The following POLR1B variants were observed in gnomAD, a reference collection of about 807,000 sequenced individuals.
The protein encoded by POLR1B is DNA-directed RNA polymerase I subunit RPA2.
POLR1B carries 30 observed loss-of-function variants against 105.8 expected under a neutral mutation model. The observed-to-expected ratio is 0.28, with a 90% CI of 0.21 to 0.38. The LOEUF is 0.38. Among genes scored for constraint, POLR1B ranks in the 10% least tolerant of loss-of-function variants. The pLI, the probability that POLR1B is intolerant of heterozygous loss-of-function variation, is 1.00. For synonymous variants in POLR1B, 485 were observed against 505.1 expected (o/e 0.96, Z 0.53); for missense variants, 976 against 1,435.8 (o/e 0.68, Z 5.17).
At chr2:112,561,369 TGTG>T (rs1211459499) in intron 9 of POLR1B, among the ~76,000 whole-genome samples, 3 of 152,190 alleles carry the variant, frequency 2.0e-5, no homozygotes, top group Admixed American at 6.5e-5. Flanking sequence ...ATGTTCATAT[TGTG>T]GTGACAGATG....
At chr2:112,546,911 C>T in intron 1 of POLR1B, 101 bp from the exon 2 acceptor site, 1 of 1,292,854 alleles carries the variant, frequency 7.7e-7, no homozygotes. Context: ...ATGGTGGCAT[C>T]ACAGGCATCA....
chr2:112,551,970 A>C lies in POLR1B; in HGVS notation c.958A>C (p.Asn320His), dbSNP rs778121814. The C allele has an allele frequency of 1.9e-6, 3 of 1,614,158 alleles. No individual in the cohort carries two copies. The highest frequency in any genetic ancestry group is 1.7e-6 in the Non-Finnish European group (2 of 1,180,004). ...ACTCAATGTTCCTGACTGGTACCCA[A>C]ATGAGCAAGCTGCGGAGTTCCTGTT... ...VKLNVPDWYPNEQAAEFLFNQ... is the reference protein window; with the variant it reads ...VKLNVPDWYPHEQAAEFLFNQ... Residue 320 changes from asparagine (N) to histidine (H), a missense_variant, in exon 6 of 15, where the codon AAT becomes CAT. By Grantham distance (68) the Asn-to-His change is moderately conservative. Coordinates refer to ENST00000263331, the MANE Select transcript of POLR1B (RefSeq NM_019014.6).
chr2:112,567,639 A>G (rs1240101667), intron 10 of POLR1B, among the ~76,000 whole-genome samples: 2 of 152,100 alleles, frequency 1.3e-5, no homozygotes, highest in African/African-American at 4.8e-5. Flanking sequence ...TTGGCCTCCT[A>G]AAGTGCTGGG....
At chr2:112,550,818 A>G in intron 4 of POLR1B, 48 bp from the exon 5 acceptor site, 1 of 1,593,644 alleles carries the variant, frequency 6.3e-7, no homozygotes, top group South Asian at 1.1e-5. Flanking sequence ...GGTTGAAGCA[A>G]TTAAGATATC....
chr2:112,568,148 A>G lies in POLR1B; in HGVS notation c.1917+11A>G, dbSNP rs1199675822. ...GGAACTATGGAACAGGTAAATACAT[A>G]TGTGTGATGGATGAGTGTATGTGCT... On this transcript the variant is annotated intron_variant, in intron 11 of 14. Coordinates refer to ENST00000263331, the MANE Select transcript of POLR1B (RefSeq NM_019014.6). 2.5e-6 allele frequency: 4 copies of G among 1,607,708 alleles called. No homozygotes were observed. The highest frequency in any genetic ancestry group is 3.4e-6 in the Non-Finnish European group (4 of 1,174,814).
chr2:112,549,433 G>A, intron 4 of POLR1B, 34 bp downstream of exon 4: 1 of 1,477,710 alleles, frequency 6.8e-7, no homozygotes, highest in South Asian at 1.4e-5. Flanking sequence ...TATTTTTTAA[G>A]GAAAATTTAA....
Position 112,552,008 on chromosome 2 carries a change from C to G in POLR1B, c.986+10C>G. ...CGGAGTTCCTGTTTAAGTATGTGTG[C>G]TTTGTCTAAACTGTTTTTGGAGGGG... On this transcript the variant is annotated intron_variant, in intron 6 of 14. Coordinates refer to ENST00000263331, the MANE Select transcript of POLR1B (RefSeq NM_019014.6). The G allele has an allele frequency of 6.2e-7, 1 of 1,609,598 alleles. No individual in the cohort carries two copies. The highest frequency in any genetic ancestry group is 8.5e-7 in the Non-Finnish European group (1 of 1,176,132).
intron 4 of POLR1B, 44 bp downstream of exon 4, chr2:112,549,443 A>G (rs758064765): frequency 5.4e-6 from 8 of 1,484,206 alleles, no homozygotes; most frequent in Non-Finnish European, 7.2e-6. Flanking sequence ...GGAAAATTTA[A>G]AACTTTTTTT....
In POLR1B at chr2:112,547,452, C is replaced by T. The variant is rs1683116096; in HGVS notation, c.377C>T (p.Ser126Leu). Residue 126 changes from serine to leucine, a missense_variant, in exon 3 of 15, where the codon TCA becomes TTA. By Grantham distance (145) the Ser-to-Leu change is moderately radical. Around this residue, in one of 12 missense-constraint regions of POLR1B, gnomAD observed 452 missense variants for 616.5 expected, o/e 0.73. Transcript: ENST00000263331. The part of the protein sequence containing the change: ...ADINWAVNGI[S>L]KGIIKQFLGY... ...ATCAACTGGGCAGTGAATGGAATCTCAAAAGGAATCATTAAGCAGTTTCTT... is the reference window on the plus strand; with the variant it reads ...ATCAACTGGGCAGTGAATGGAATCTTAAAAGGAATCATTAAGCAGTTTCTT... The T allele has an allele frequency of 1.2e-6, 2 of 1,614,026 alleles. No individual in the cohort carries two copies. Among genetic ancestry groups the T allele is most frequent in the Admixed American group, 1.7e-5 (1 of 59,998 alleles).
intron 1 of POLR1B, among the ~76,000 whole-genome samples, chr2:112,543,066 G>T (rs1682846460): frequency 6.6e-6 from 1 of 152,162 alleles, no homozygotes; most frequent in Non-Finnish European, 1.5e-5. Context: ...AATGTTCAAG[G>T]TTATCCTTCA....
chr2:112,559,041 A>C (rs1558659209), intron 8 of POLR1B, among the ~76,000 whole-genome samples: 1 of 151,580 alleles, frequency 6.6e-6, no homozygotes, highest in Non-Finnish European at 1.5e-5. Flanking sequence ...TAACTCATTT[A>C]ATGTTCACCC....
In POLR1B at chr2:112,568,043, C is replaced by T. The variant is rs1020230940; in HGVS notation, c.1823C>T (p.Pro608Leu). The T allele has an allele frequency of 6.2e-7, 1 of 1,614,036 alleles. No individual in the cohort carries two copies. The highest frequency in any genetic ancestry group is 8.5e-7 in the Non-Finnish European group (1 of 1,179,890). Residue 608 changes from proline (P) to leucine (L), a missense_variant, in exon 11 of 15, where the codon CCA (proline) becomes CTA (leucine). Transcript: ENST00000263331. ...ATGACAGGAAAACCAAGTCTGTACC[C>T]AGGATTGTTCCTTTTTACCACTCCT... ...IPMTGKPSLY[P>L]GLFLFTTPCR...
At chr2:112,551,668 G>C (rs1182266732) in intron 5 of POLR1B, 107 bp from the exon 6 acceptor site, 1 of 884,116 alleles carries the variant, frequency 1.1e-6, no homozygotes, top group Admixed American at 2.7e-5. Flanking sequence ...ATAGCAGAGT[G>C]CTAATTTTCC....
rs943545617 is a variant in POLR1B at position 112,577,405 on chromosome 2, C to T, written c.*1676C>T. On this transcript the variant is annotated 3_prime_UTR_variant, in exon 15 of 15. Coordinates refer to ENST00000263331, the MANE Select transcript of POLR1B (RefSeq NM_019014.6). ...AGCAACAACGACAAAAAAAATTAGC[C>T]AAGCATAGTGGCACACCCCTGTAGT... is the stretch of plus-strand genomic sequence containing the variant. Among the ~76,000 whole-genome samples the T allele has an allele frequency of 2.6e-5, 4 of 152,186 alleles. No homozygotes were observed. The highest frequency in any genetic ancestry group is 5.9e-5 in the Non-Finnish European group (4 of 68,024).
At chr2:112,550,564 T>G in intron 4 of POLR1B, 1 of 315,412 alleles carries the variant, frequency 3.2e-6, no homozygotes, top group Non-Finnish European at 5.9e-6. Context: ...TTGACCAGAC[T>G]CCACAGTTTA....
chr2:112,557,214 A>G (rs1438169632), intron 7 of POLR1B, among the ~76,000 whole-genome samples: 4 of 152,234 alleles, frequency 2.6e-5, no homozygotes, highest in Non-Finnish European at 5.9e-5. Flanking sequence ...TGAACCCAGG[A>G]GGTTGAGGCT....
rs555575374 is a variant in POLR1B at position 112,563,203 on chromosome 2, C to T, written c.1613-1163C>T. Among the ~76,000 whole-genome samples, 21 of 151,780 alleles carry T rather than the reference C, an allele frequency of 1.4e-4. No homozygotes were observed. The East Asian group carries it at 1.6e-3, about 11-fold the overall frequency. ...CCGAGTAGCTGGGACTACAGGCGCC[C>T]GCCACCACGCCCGGCTAATTTTTTT... is the stretch of plus-strand genomic sequence containing the variant. On this transcript the variant is annotated intron_variant, in intron 9 of 14. Transcript: ENST00000263331.
rs1208728649 is a variant in POLR1B, at chr2:112,564,396, G to A, written c.1643G>A (p.Arg548Gln). The change falls in exon 10 of 15, where the codon CGA becomes CAA. Residue 548 changes from arginine to glutamine, a missense_variant. Physicochemically the swap from Arg to Gln is conservative, Grantham distance 43 (BLOSUM62 1). Coordinates refer to ENST00000263331, the MANE Select transcript of POLR1B (RefSeq NM_019014.6). ...ACTCCCATTGATGGAGCTCCCCACC[G>A]ATCATACAGTGAGTGCTACCCTGTC... The part of the protein sequence containing the change: ...GVTPIDGAPH[R>Q]SYSECYPVLL... 7.4e-6 allele frequency: 12 copies of A among 1,614,074 alleles called. No individual in the cohort carries two copies. Among genetic ancestry groups the A allele is most frequent in the East Asian group, 4.5e-5 (2 of 44,894 alleles).
At chr2:112,551,176 A>C (rs962788302) in intron 5 of POLR1B, among the ~76,000 whole-genome samples, 174 bp downstream of exon 5, 5 of 152,218 alleles carry the variant, frequency 3.3e-5, no homozygotes, top group Non-Finnish European at 7.3e-5. Flanking sequence ...TCTGTCTCAC[A>C]GTTTCTGCGG....
Sources: allele counts gnomAD v4.1 joint callset (sites outside exome capture counted in the v4.1 genomes callset), GRCh38; gene constraint gnomAD v4.1.1; regional missense constraint gnomAD v4.1.1; transcripts MANE v1.5; gene names NCBI Gene and HGNC (gene_info 2026-07-23, HGNC 2026-07-21).